Variants in ARID5B observed in about 807,000 individuals in gnomAD.
The protein encoded by ARID5B is AT-rich interaction domain 5B, also known as AT-rich interactive domain-containing protein 5B.
In ARID5B, 13 loss-of-function variants were observed where a neutral mutation model predicts 97.2. The observed-to-expected ratio is 0.13, with a 90% CI of 0.09 to 0.21. ARID5B has a LOEUF of 0.21. ARID5B is among the 10% of genes least tolerant of loss of function. ARID5B has a pLI of 1.00. For synonymous variants in ARID5B, 556 were observed against 570.3 expected (o/e 0.97, Z 0.36); for missense variants, 1,210 against 1,465.3 (o/e 0.83, Z 2.84).
At chr10:61,928,407 C>T (rs1364822961) in intron 2 of ARID5B, among the ~76,000 whole-genome samples, 1 of 152,068 alleles carries the variant, frequency 6.6e-6, no homozygotes, top group Non-Finnish European at 1.5e-5. Flanking sequence ...CTCAGGTGAT[C>T]CTCCCATCTC....
intron 4 of ARID5B, among the ~76,000 whole-genome samples, chr10:62,017,593 G>T (rs1324275571): frequency 1.3e-5 from 2 of 151,882 alleles, no homozygotes; most frequent in Non-Finnish European, 2.9e-5. Flanking sequence ...ACCCCCAGAT[G>T]TTGTTTATAG....
At chr10:61,945,190 T>C (rs1223653438) in intron 3 of ARID5B, among the ~76,000 whole-genome samples, 1 of 152,186 alleles carries the variant, frequency 6.6e-6, no homozygotes, top group African/African-American at 2.4e-5. Flanking sequence ...ATGAATTTAT[T>C]AGGATTTGAA....
At chr10:62,079,633 C>T (rs1840183509) in intron 8 of ARID5B, among the ~76,000 whole-genome samples, 2 of 152,140 alleles carry the variant, frequency 1.3e-5, no homozygotes, top group African/African-American at 2.4e-5. Flanking sequence ...TTATGGGAGC[C>T]GAGCCACCAC....
At chr10:62,003,498 G>T (rs919712199) in intron 4 of ARID5B, among the ~76,000 whole-genome samples, 1 of 152,204 alleles carries the variant, frequency 6.6e-6, no homozygotes, top group Non-Finnish European at 1.5e-5. Context: ...TAAAACTCAT[G>T]TTCTGACCTC....
chr10:61,910,737 A>C (rs76494701), intron 2 of ARID5B, among the ~76,000 whole-genome samples: 5 of 152,236 alleles, frequency 3.3e-5, no homozygotes, highest in Non-Finnish European at 5.9e-5. Context: ...TCTCTCGCAC[A>C]CACTTGGGTA....
chr10:62,000,403 G>A lies in ARID5B; in HGVS notation c.733+82G>A, dbSNP rs1365811992. ...TCAGTTCTTCTGAAGAGCGGTGATG[G>A]GGAACGGGGCTCACTTTCACAAGCC... On this transcript the variant is annotated intron_variant, in intron 4 of 9. Coordinates refer to ENST00000279873, the MANE Select transcript of ARID5B (RefSeq NM_032199.3). This position sits in a 1 kb window ranked among gnomAD's most constrained non-coding sequence, Gnocchi z 4.4. 3.1e-6 allele frequency: 4 copies of A among 1,308,080 alleles called. No individual in the cohort carries two copies. In the African/African-American group the frequency reaches 4.5e-5, roughly 15 times the overall value. The allele number at this position is 1,308,080 out of a possible 1,614,324, so 81.0% of individuals were successfully genotyped here. A position where few individuals can be genotyped will look rare whatever the true frequency, so the allele number is the denominator to read the frequency against.
At chr10:62,066,312 T>C (rs1283705389) in intron 7 of ARID5B, among the ~76,000 whole-genome samples, 1 of 152,160 alleles carries the variant, frequency 6.6e-6, no homozygotes, top group African/African-American at 2.4e-5. Flanking sequence ...GAATTACATC[T>C]AGAGACCAAA....
intron 3 of ARID5B, 135 bp from the exon 4 acceptor site, chr10:61,999,956 G>C: frequency 4.7e-6 from 4 of 859,140 alleles, no homozygotes; most frequent in Non-Finnish European, 7.4e-6. Flanking sequence ...GAGGATGCTG[G>C]CATCCCCCAG....
At position 62,085,780 on chromosome 10, in the gene ARID5B, G is replaced by A. The variant is rs775709260; in HGVS notation, c.1278G>A (p.Glu426=). ...PLPPIKPRKQ[E]NSSQENENKT... is the part of the protein sequence containing the mutation. ...CTCCAATCAAACCTCGGAAACAGGA[G>A]AACAGTTCACAGGAAAATGAGAACA... The change falls in exon 9 of 10, where the codon GAG becomes GAA. Residue 426 remains glutamate, a synonymous_variant. Coordinates refer to ENST00000279873, the MANE Select transcript of ARID5B (RefSeq NM_032199.3). The A allele has an allele frequency of 3.7e-5, 59 of 1,613,994 alleles. No homozygotes were observed. The highest frequency in any genetic ancestry group is 4.8e-5 in the Non-Finnish European group (57 of 1,180,010).
intron 3 of ARID5B, among the ~76,000 whole-genome samples, chr10:61,994,649 G>C (rs1046253994): frequency 6.6e-6 from 1 of 152,126 alleles, no homozygotes; most frequent in Non-Finnish European, 1.5e-5. Context: ...GAGGATTAAA[G>C]CAATGGTATA....
intron 3 of ARID5B, among the ~76,000 whole-genome samples, chr10:61,991,768 G>A (rs544731226): frequency 5.3e-5 from 8 of 152,226 alleles, no homozygotes; most frequent in African/African-American, 1.7e-4. Context: ...GGTGGCTCAC[G>A]CCTGTAATCC....
chr10:61,904,421 A>G (rs1004139528), intron 2 of ARID5B, among the ~76,000 whole-genome samples: 1 of 152,242 alleles, frequency 6.6e-6, no homozygotes. Flanking sequence ...TGCATCTGCT[A>G]GAAGTGTTGA....
intron 2 of ARID5B, among the ~76,000 whole-genome samples, chr10:61,922,462 G>A (rs907464457): frequency 1.3e-5 from 2 of 152,208 alleles, no homozygotes; most frequent in African/African-American, 4.8e-5. Context: ...AATTAGCTGG[G>A]CGTGGTGGCA....
At chr10:61,932,566 C>A (rs1844229735) in intron 2 of ARID5B, among the ~76,000 whole-genome samples, 1 of 152,012 alleles carries the variant, frequency 6.6e-6, no homozygotes, top group South Asian at 2.1e-4. Flanking sequence ...TGTGCCACCA[C>A]ACCTGGCTAA....
rs1839399987 is a variant in ARID5B at position 62,024,828 on chromosome 10, A to C, written c.733+24507A>C. On this transcript the variant is annotated intron_variant, in intron 4 of 9. Transcript: ENST00000279873. ...GTATTGTTATTCTTTTCGGGTTCTG[A>C]AATGGCTTGGAAAGAACTTTTAAAA... is the stretch of plus-strand genomic sequence containing the variant. 1.1e-5 allele frequency: 4 copies of C among 372,362 alleles called. No individual in the cohort carries two copies. In the South Asian group the frequency reaches 5.8e-4, roughly 54 times the overall value. 23.1% of individuals were successfully genotyped at this position (372,362 alleles called of 1,614,324 possible).
chr10:61,964,319 A>C (rs1838514593), intron 3 of ARID5B, among the ~76,000 whole-genome samples: 1 of 152,134 alleles, frequency 6.6e-6, no homozygotes, highest in African/African-American at 2.4e-5. Flanking sequence ...ATTAACCTGC[A>C]GGGACGTCTC....
rs751357869 is a variant in ARID5B, at chr10:62,095,486, G to A, written c.*2456G>A. 5.6e-5 allele frequency: 13 copies of A among 233,368 alleles called. No homozygotes were observed. The highest frequency in any genetic ancestry group is 7.6e-5 in the Non-Finnish European group (9 of 117,966). 14.5% of individuals were successfully genotyped at this position (233,368 alleles called of 1,614,324 possible). ...GTCTGGTTTCATCATGTTGGAATTC[G>A]ATCACACCATTTTCAAACAATGTTA... On this transcript the variant is annotated 3_prime_UTR_variant, in exon 10 of 10. Transcript: ENST00000279873.
intron 4 of ARID5B, among the ~76,000 whole-genome samples, chr10:62,045,192 C>T (rs1839690321): frequency 6.6e-6 from 1 of 152,122 alleles, no homozygotes; most frequent in African/African-American, 2.4e-5. Flanking sequence ...TGTGAAATGC[C>T]TTTCTTTCAT....
intron 4 of ARID5B, among the ~76,000 whole-genome samples, chr10:62,005,593 G>A (rs1381349017): frequency 6.6e-6 from 1 of 152,098 alleles, no homozygotes; most frequent in Non-Finnish European, 1.5e-5. Context: ...TTCTATCTCT[G>A]TACTGAACTT....
Sources: allele counts gnomAD v4.1 joint callset (sites outside exome capture counted in the v4.1 genomes callset), GRCh38; gene constraint gnomAD v4.1.1; non-coding constraint Gnocchi (gnomAD v3.1); transcripts MANE v1.5; gene names NCBI Gene and HGNC (gene_info 2026-07-23, HGNC 2026-07-21).